The following CAPZB variants were observed in gnomAD, a reference collection of about 807,000 sequenced individuals.
CAPZB encodes the protein capping actin protein of muscle Z-line subunit beta.
In CAPZB, 2 loss-of-function variants were observed where a neutral mutation model predicts 38.1. The observed-to-expected ratio is 0.05, with a 90% CI of 0.02 to 0.17. CAPZB has a LOEUF of 0.17. Ranked by LOEUF, CAPZB falls within the 10% of genes least tolerant of loss-of-function variation. The pLI, the probability that CAPZB is intolerant of heterozygous loss-of-function variation, is 1.00. For missense variants in CAPZB, 161 were observed against 334.2 expected (o/e 0.48, Z 4.04); for synonymous variants, 107 against 127.4 (o/e 0.84, Z 1.08).
intron 1 of CAPZB, among the ~76,000 whole-genome samples, chr1:19,420,333 T>G (rs2094396453): frequency 6.6e-6 from 1 of 152,210 alleles, no homozygotes; most frequent in African/African-American, 2.4e-5. Context: ...CAAACTGGAC[T>G]GCAAATGCAG....
At chr1:19,426,294 A>G (rs751816846) in intron 1 of CAPZB, among the ~76,000 whole-genome samples, 1 of 152,160 alleles carries the variant, frequency 6.6e-6, no homozygotes, top group Non-Finnish European at 1.5e-5. Context: ...TGGAGCCCCT[A>G]GAGATTTTTC....
chr1:19,428,749 G>A (rs1167954694), intron 1 of CAPZB, among the ~76,000 whole-genome samples: 1 of 152,084 alleles, frequency 6.6e-6, no homozygotes, highest in Admixed American at 6.6e-5. Flanking sequence ...TCTGCCCCGA[G>A]CCCTTCTCCC....
At chr1:19,427,781 G>A (rs1291816315) in intron 1 of CAPZB, among the ~76,000 whole-genome samples, 1 of 152,196 alleles carries the variant, frequency 6.6e-6, no homozygotes, top group Admixed American at 6.5e-5. Flanking sequence ...CAATACCCTC[G>A]CTGTCAAGGG....
At chr1:19,352,236 G>A (rs2093995470) in intron 6 of CAPZB, among the ~76,000 whole-genome samples, 1 of 152,214 alleles carries the variant, frequency 6.6e-6, no homozygotes, top group Non-Finnish European at 1.5e-5. Flanking sequence ...AGGATACACA[G>A]GCAAGTGCCT....
intron 6 of CAPZB, among the ~76,000 whole-genome samples, chr1:19,347,365 CTTAAATAGGGTCGCATCCTTCTGGCAAG>C (rs1457279390): frequency 6.6e-6 from 1 of 152,156 alleles, no homozygotes; most frequent in African/African-American, 2.4e-5. Flanking sequence ...AACACAACTA[CTTAAATAGGGTCGCATCCTTCTGGCAAG>C]TTCCCATCTA....
At chr1:19,479,423 A>T (rs2094619596) in intron 1 of CAPZB, among the ~76,000 whole-genome samples, 1 of 152,162 alleles carries the variant, frequency 6.6e-6, no homozygotes, top group Non-Finnish European at 1.5e-5. Context: ...TCAGTTGTTA[A>T]CAGGCTCTCA....
chr1:19,401,366 G>C (rs4311911), intron 2 of CAPZB, among the ~76,000 whole-genome samples: 3 of 152,162 alleles, frequency 2.0e-5, no homozygotes, highest in Non-Finnish European at 4.4e-5. Context: ...ACTTTAATTA[G>C]GGAAAGCTTT....
chr1:19,396,554 C>G (rs181151595), intron 2 of CAPZB, among the ~76,000 whole-genome samples: 1 of 152,178 alleles, frequency 6.6e-6, no homozygotes, highest in Admixed American at 6.5e-5. Flanking sequence ...AGACCCGCAG[C>G]CTTCCCAGCA....
intron 1 of CAPZB, among the ~76,000 whole-genome samples, chr1:19,437,063 G>A (rs1438147575): frequency 1.3e-5 from 2 of 152,222 alleles, no homozygotes; most frequent in Non-Finnish European, 2.9e-5. Flanking sequence ...TGGACGCCCA[G>A]GGATGGCTGA....
At chr1:19,403,809 G>C (rs995322898) in intron 2 of CAPZB, among the ~76,000 whole-genome samples, 1 of 152,180 alleles carries the variant, frequency 6.6e-6, no homozygotes, top group East Asian at 1.9e-4. Flanking sequence ...CTGTAAAAAA[G>C]TGACCCCGCT....
intron 6 of CAPZB, among the ~76,000 whole-genome samples, chr1:19,354,638 C>G (rs2094010266): frequency 6.6e-6 from 1 of 152,366 alleles, no homozygotes; most frequent in African/African-American, 2.4e-5. Context: ...TTTAGCTTGG[C>G]AGGAGACACT....
At chr1:19,484,832 G>A (rs2094645152) in intron 1 of CAPZB, 1 of 310,434 alleles carries the variant, frequency 3.2e-6, no homozygotes, top group Non-Finnish European at 4.7e-6. Flanking sequence ...CATGGGCGGA[G>A]AAGAGGAGGT....
intron 2 of CAPZB, among the ~76,000 whole-genome samples, chr1:19,393,379 A>G (rs1471097174): frequency 4.6e-5 from 7 of 152,188 alleles, no homozygotes; most frequent in Non-Finnish European, 8.8e-5. Context: ...TCACCCCAGG[A>G]AGCATCAAAA....
At chr1:19,449,567 C>A (rs1057154943) in intron 1 of CAPZB, among the ~76,000 whole-genome samples, 11 of 152,052 alleles carry the variant, frequency 7.2e-5, no homozygotes, top group African/African-American at 2.7e-4. Flanking sequence ...ACGGGCAGAT[C>A]ACTTGAGATC....
intron 2 of CAPZB, among the ~76,000 whole-genome samples, chr1:19,415,828 C>G (rs1358955953): frequency 6.6e-6 from 1 of 152,242 alleles, no homozygotes; most frequent in Non-Finnish European, 1.5e-5. Flanking sequence ...CATGGGCCGC[C>G]GCGCCTGGCC....
At chr1:19,428,444 T>G (rs11586436) in intron 1 of CAPZB, among the ~76,000 whole-genome samples, 1,546 of 150,476 alleles carry the variant, frequency 0.01, 23 homozygotes, top group African/African-American at 0.034. Context: ...AAAAGAAAAA[T>G]AAGCCATTTT....
At chr1:19,462,477 A>G (rs1558284594) in intron 1 of CAPZB, among the ~76,000 whole-genome samples, 1 of 152,082 alleles carries the variant, frequency 6.6e-6, no homozygotes, top group Non-Finnish European at 1.5e-5. Context: ...AAAAATTAAA[A>G]TTAAAAAAAG....
chr1:19,363,960 ACT>A (rs1437769174), intron 4 of CAPZB, among the ~76,000 whole-genome samples: 1 of 151,902 alleles, frequency 6.6e-6, no homozygotes, highest in Non-Finnish European at 1.5e-5. Flanking sequence ...CAAGAAACAG[ACT>A]CTGTGGTTCT....
chr1:19,468,894 C>T (rs1322750770), intron 1 of CAPZB, among the ~76,000 whole-genome samples: 4 of 152,178 alleles, frequency 2.6e-5, no homozygotes, highest in Non-Finnish European at 5.9e-5. Context: ...GGGACCCGTG[C>T]CTTGAATCTC....
Sources: gnomAD v4.1 joint callset for allele counts (sites outside exome capture counted in the v4.1 genomes callset) on GRCh38, gnomAD v4.1.1 for gene constraint, MANE v1.5 for transcripts, NCBI Gene and HGNC (gene_info 2026-07-23, HGNC 2026-07-21) for gene names.